Variants in PAK5 observed in about 807,000 individuals in gnomAD.
PAK5 encodes the protein p21 (RAC1) activated kinase 5, also known as serine/threonine-protein kinase PAK 5.
Under a neutral mutation model 65.9 loss-of-function variants are expected in PAK5, and 16 were observed. The ratio of observed to expected loss-of-function variants is 0.24; its 90% CI spans 0.16 to 0.37. The LOEUF is 0.37. PAK5 is among the 10% of genes least tolerant of loss of function. PAK5 has a pLI of 1.00. For synonymous variants in PAK5, 371 were observed against 354.9 expected, an observed-to-expected ratio of 1.05 and a Z score of -0.51; for missense variants, 785 against 903.9, an observed-to-expected ratio of 0.87 and a Z score of 1.69.
intron 1 of PAK5, among the ~76,000 whole-genome samples, chr20:9,837,322 T>C (rs1175084122): frequency 6.6e-6 from 1 of 152,252 alleles, no homozygotes; most frequent in East Asian, 1.9e-4. Context: ...CCCCACTTCA[T>C]TTTGATGATA....
At chr20:9,573,118 C>T (rs1407557837) in intron 4 of PAK5, among the ~76,000 whole-genome samples, 2 of 150,226 alleles carry the variant, frequency 1.3e-5, no homozygotes, top group South Asian at 2.1e-4. Context: ...TTTGAAATGG[C>T]TAATAACATA....
At chr20:9,595,976 C>T (rs372484329) in intron 3 of PAK5, among the ~76,000 whole-genome samples, 1 of 152,178 alleles carries the variant, frequency 6.6e-6, no homozygotes, top group Non-Finnish European at 1.5e-5. Context: ...GCATTCCCTT[C>T]TGTCTCTTCT....
intron 2 of PAK5, among the ~76,000 whole-genome samples, chr20:9,650,402 T>C (rs1012528272): frequency 1.4e-4 from 21 of 152,200 alleles, no homozygotes; most frequent in African/African-American, 5.1e-4. Context: ...TCTAGGGGGA[T>C]TTGACCAATT....
intron 3 of PAK5, among the ~76,000 whole-genome samples, chr20:9,626,738 T>A (rs1306604675): frequency 1.2e-3 from 177 of 152,374 alleles, no homozygotes; most frequent in African/African-American, 3.9e-3. Flanking sequence ...TACTTACAGT[T>A]TGGACTGAAT....
chr20:9,705,228 ATG>A (rs1306882522), intron 2 of PAK5, among the ~76,000 whole-genome samples: 3 of 143,434 alleles, frequency 2.1e-5, no homozygotes, highest in African/African-American at 7.5e-5. Context: ...GATAAATGAG[ATG>A]TGTCTAATTA....
At chr20:9,594,444 T>C (rs1435402114) in intron 3 of PAK5, among the ~76,000 whole-genome samples, 4 of 152,236 alleles carry the variant, frequency 2.6e-5, no homozygotes, top group African/African-American at 9.6e-5. Context: ...AAGAATTATC[T>C]GAGTTCCTTA....
At chr20:9,686,254 T>C (rs1291491359) in intron 2 of PAK5, among the ~76,000 whole-genome samples, 1 of 152,214 alleles carries the variant, frequency 6.6e-6, no homozygotes, top group Non-Finnish European at 1.5e-5. Context: ...CTGACCCATG[T>C]GGACCATTTG....
At chr20:9,662,307 G>A (rs867314743) in intron 2 of PAK5, among the ~76,000 whole-genome samples, 6 of 151,990 alleles carry the variant, frequency 3.9e-5, no homozygotes, top group Middle Eastern at 3.2e-3. Flanking sequence ...GGATGATGGC[G>A]CTAACAAGAA....
intron 1 of PAK5, among the ~76,000 whole-genome samples, chr20:9,781,564 G>A (rs1486843549): frequency 3.3e-5 from 5 of 152,174 alleles, no homozygotes; most frequent in Admixed American, 2.0e-4. Context: ...TGGAGCACTC[G>A]CCTGTCTAAC....
intron 3 of PAK5, among the ~76,000 whole-genome samples, chr20:9,583,134 C>T (rs6086941): frequency 0.18 from 27,638 of 152,044 alleles, 2,760 homozygotes; most frequent in African/African-American, 0.26. Context: ...AACAGAGCTC[C>T]GAAATAATAT....
chr20:9,768,405 T>C (rs1363658758), intron 1 of PAK5, among the ~76,000 whole-genome samples: 6 of 152,066 alleles, frequency 3.9e-5, no homozygotes, highest in Non-Finnish European at 7.4e-5. Flanking sequence ...ACTATGCCCA[T>C]ACCTGCTGCA....
intron 1 of PAK5, among the ~76,000 whole-genome samples, chr20:9,823,299 C>A (rs6087034): frequency 0.11 from 17,004 of 152,152 alleles, 1,138 homozygotes; most frequent in South Asian, 0.25. Context: ...AAATAAATTT[C>A]TATTATTTAA....
At chr20:9,698,176 G>A (rs2047894030) in intron 2 of PAK5, among the ~76,000 whole-genome samples, 1 of 152,114 alleles carries the variant, frequency 6.6e-6, no homozygotes, top group Admixed American at 6.6e-5. Flanking sequence ...AGAGGGAAAA[G>A]TGGTATAACC....
intron 3 of PAK5, among the ~76,000 whole-genome samples, chr20:9,641,874 G>T (rs200472149): frequency 3.2e-4 from 48 of 152,268 alleles, no homozygotes; most frequent in African/African-American, 1.1e-3. Flanking sequence ...GGCTGGCTGG[G>T]TGCTCCGAGT....
Position 9,538,118 on chromosome 20 carries a change from C to T in PAK5, c.*1344G>A. ...AGTTTTAAAGGCAAATCTATATTGG[C>T]CTACAGTTAACATGCAAATTCATCC... On this transcript the variant is annotated 3_prime_UTR_variant, in exon 10 of 10. Transcript: ENST00000353224. 4.3e-6 allele frequency: 1 copy of T among 233,158 alleles called. No homozygotes were observed. The highest frequency in any genetic ancestry group is 8.5e-6 in the Non-Finnish European group (1 of 117,782). 14.4% of individuals were successfully genotyped at this position (233,158 alleles called of 1,614,324 possible).
intron 1 of PAK5, among the ~76,000 whole-genome samples, chr20:9,784,121 T>C (rs1043470806): frequency 6.6e-6 from 1 of 152,182 alleles, no homozygotes; most frequent in East Asian, 1.9e-4. Context: ...AATCTCAGAA[T>C]AGATAAAATA....
chr20:9,838,547 TGAG>T lies in PAK5; in HGVS notation c.-162+212_-162+214del, dbSNP rs1372148154. Among the ~76,000 whole-genome samples the T allele has an allele frequency of 6.6e-6, 1 of 152,144 alleles. No individual in the cohort carries two copies. The highest frequency in any genetic ancestry group is 1.5e-5 in the Non-Finnish European group (1 of 68,020). On this transcript the variant is annotated intron_variant, in intron 1 of 9. Coordinates refer to ENST00000353224, the MANE Select transcript of PAK5 (RefSeq NM_177990.4). This position sits in a 1 kb window ranked among gnomAD's most constrained non-coding sequence, Gnocchi z 4.5. ...CCAGGCTGGATAGTAGCGCATGGGTTGAGGGTGGGCGGTCCCCTATCCCTACCC... is the reference window on the plus strand; with the variant it reads ...CCAGGCTGGATAGTAGCGCATGGGTTGGTGGGCGGTCCCCTATCCCTACCC...
intron 3 of PAK5, among the ~76,000 whole-genome samples, chr20:9,631,945 T>C (rs989454528): frequency 2.0e-5 from 3 of 152,128 alleles, no homozygotes; most frequent in South Asian, 2.1e-4. Context: ...CTAAAAAGGA[T>C]AGGATTTGAT....
At chr20:9,547,153 A>C (rs1435694418) in intron 7 of PAK5, among the ~76,000 whole-genome samples, 1 of 152,186 alleles carries the variant, frequency 6.6e-6, no homozygotes, top group Non-Finnish European at 1.5e-5. Flanking sequence ...TGGAGGGATG[A>C]GTTTACAAGC....
Sources: gnomAD v4.1 joint callset for allele counts (sites outside exome capture counted in the v4.1 genomes callset) on GRCh38, gnomAD v4.1.1 for gene constraint, Gnocchi (gnomAD v3.1) non-coding constraint, MANE v1.5 for transcripts, NCBI Gene and HGNC (gene_info 2026-07-23, HGNC 2026-07-21) for gene names.